The following DNAI1 variants were observed in gnomAD, a reference collection of about 807,000 sequenced individuals.
DNAI1 encodes the protein dynein axonemal intermediate chain 1.
Under a neutral mutation model 92.0 loss-of-function variants are expected in DNAI1, and 67 were observed. That is an observed-to-expected ratio of 0.73 (90% CI 0.60 to 0.89). The LOEUF (loss-of-function observed/expected upper bound fraction) is 0.89. DNAI1 is among the 40% of genes least tolerant of loss of function. The pLI is 0.00. For missense variants in DNAI1, 839 were observed against 866.6 expected (o/e 0.97, Z 0.40); for synonymous variants, 323 against 319.6 (o/e 1.01, Z -0.11).
chr9:34,492,634 C>G (rs1159724822), intron 8 of DNAI1, among the ~76,000 whole-genome samples: 1 of 150,592 alleles, frequency 6.6e-6, no homozygotes, highest in African/African-American at 2.4e-5. Context: ...ATCCTCCCAC[C>G]TCAGCCTGCT....
chr9:34,517,612 C>T lies in DNAI1; in HGVS notation c.2001+145C>T, dbSNP rs1287652488. ...ATGGTGTCATTGCCTGAATGAGGCTCACAGTAGAAGCAGGTTTGTGAGAAA... is the reference window on the plus strand; with the variant it reads ...ATGGTGTCATTGCCTGAATGAGGCTTACAGTAGAAGCAGGTTTGTGAGAAA... On this transcript the variant is annotated intron_variant, in intron 19 of 19. Coordinates refer to ENST00000242317, the MANE Select transcript of DNAI1 (RefSeq NM_012144.4). The T allele has an allele frequency of 1.1e-5, 11 of 993,032 alleles. 1 individual carries two copies. The highest frequency in any genetic ancestry group is 3.2e-5 in the African/African-American group (2 of 62,294). 61.5% of individuals were successfully genotyped at this position (993,032 alleles called of 1,614,324 possible).
Position 34,471,813 on chromosome 9 carries a change from G to GA in DNAI1, c.49-11629dup, listed in dbSNP as rs74333214. Among the ~76,000 whole-genome samples the GA allele has an allele frequency of 2.3e-4, 35 of 151,488 alleles. No individual in the cohort carries two copies. In the East Asian group the frequency reaches 5.4e-3, roughly 24 times the overall value. Reference sequence around the variant, plus strand: ...TTCTTCATATTAACAGGATAAAGAAGAAAAAATCCTATAATGATGACATCT... The same window carrying GA: ...TTCTTCATATTAACAGGATAAAGAAGAAAAAAATCCTATAATGATGACATCT... On this transcript the variant is annotated intron_variant, in intron 1 of 19. Transcript: ENST00000242317.
chr9:34,491,334 C>T, intron 7 of DNAI1, 161 bp from the exon 8 acceptor site: 3 of 727,264 alleles, frequency 4.1e-6, no homozygotes, highest in Non-Finnish European at 7.4e-6. Flanking sequence ...GCTTTGAATG[C>T]ATCATTCAGT....
chr9:34,511,678 C>T (rs1164927292), intron 13 of DNAI1, among the ~76,000 whole-genome samples: 1 of 152,138 alleles, frequency 6.6e-6, no homozygotes, highest in African/African-American at 2.4e-5. Context: ...TCATAACAAA[C>T]CTATGCTATT....
chr9:34,508,777 C>T (rs540945057), intron 13 of DNAI1, among the ~76,000 whole-genome samples: 1 of 152,190 alleles, frequency 6.6e-6, no homozygotes, highest in Admixed American at 6.5e-5. Context: ...TTATTGCTTT[C>T]GCTGAGCAGG....
At chr9:34,459,633 A>G (rs1357180873) in intron 1 of DNAI1, among the ~76,000 whole-genome samples, 2 of 152,066 alleles carry the variant, frequency 1.3e-5, no homozygotes, top group Non-Finnish European at 2.9e-5. Context: ...TTTGGTAGAG[A>G]CGGGGTTTCC....
intron 1 of DNAI1, among the ~76,000 whole-genome samples, chr9:34,483,149 C>G (rs1447518994): frequency 6.6e-6 from 1 of 152,248 alleles, no homozygotes; most frequent in African/African-American, 2.4e-5. Context: ...GCCTCTCCCT[C>G]CACGCCTCTC....
chr9:34,494,285 C>T (rs1471013652), intron 9 of DNAI1, among the ~76,000 whole-genome samples: 5 of 152,150 alleles, frequency 3.3e-5, no homozygotes, highest in Non-Finnish European at 7.3e-5. Context: ...TTATCCTGAT[C>T]ATGTCACATT....
chr9:34,467,739 C>A (rs537629696), intron 1 of DNAI1, among the ~76,000 whole-genome samples: 1 of 152,332 alleles, frequency 6.6e-6, no homozygotes, highest in South Asian at 2.1e-4. Context: ...TGGACTTTCC[C>A]TCACACTGTA....
intron 1 of DNAI1, among the ~76,000 whole-genome samples, chr9:34,481,920 A>G (rs1413076031): frequency 6.6e-6 from 1 of 152,218 alleles, no homozygotes; most frequent in African/African-American, 2.4e-5. Context: ...CAGGTTGCCA[A>G]TGCTGGCTCG....
At chr9:34,480,957 T>C (rs1489244369) in intron 1 of DNAI1, among the ~76,000 whole-genome samples, 1 of 150,934 alleles carries the variant, frequency 6.6e-6, no homozygotes, top group East Asian at 2.0e-4. Context: ...AATAAATAAA[T>C]AGGCTGGGCG....
intron 10 of DNAI1, among the ~76,000 whole-genome samples, chr9:34,498,970 G>A (rs1209119962): frequency 1.3e-5 from 2 of 152,206 alleles, no homozygotes; most frequent in Non-Finnish European, 2.9e-5. Context: ...GCCCACCAAA[G>A]GGCTGCAAAC....
chr9:34,520,281 C>T (rs79386710), intron 19 of DNAI1, among the ~76,000 whole-genome samples: 19 of 152,286 alleles, frequency 1.2e-4, no homozygotes, highest in African/African-American at 4.3e-4. Context: ...GGCCAGGGAC[C>T]TTCCCATGGT....
intron 12 of DNAI1, among the ~76,000 whole-genome samples, chr9:34,504,127 G>C (rs1297882756): frequency 1.3e-5 from 2 of 152,140 alleles, no homozygotes; most frequent in Admixed American, 1.3e-4. Flanking sequence ...TATTGGAAGA[G>C]CAGGGGAGCC....
At chr9:34,470,347 T>C (rs1416012866) in intron 1 of DNAI1, among the ~76,000 whole-genome samples, 1 of 152,182 alleles carries the variant, frequency 6.6e-6, no homozygotes, top group Non-Finnish European at 1.5e-5. Context: ...AAAACAACTA[T>C]ATGTTGCCTG....
chr9:34,512,009 T>C, intron 13 of DNAI1, 100 bp from the exon 14 acceptor site: 1 of 1,118,474 alleles, frequency 8.9e-7, no homozygotes, highest in Non-Finnish European at 1.4e-6. Context: ...AGAAGTTGCT[T>C]CTGAGCCTCA....
intron 9 of DNAI1, among the ~76,000 whole-genome samples, chr9:34,495,061 G>A (rs1824692271): frequency 6.6e-6 from 1 of 152,200 alleles, no homozygotes; most frequent in African/African-American, 2.4e-5. Context: ...TATCCTATAG[G>A]AAGGGCCTCC....
intron 13 of DNAI1, among the ~76,000 whole-genome samples, chr9:34,511,847 A>G (rs1043445031): frequency 6.6e-6 from 1 of 152,134 alleles, no homozygotes; most frequent in Non-Finnish European, 1.5e-5. Context: ...CTCCACTGCC[A>G]AGCCAGTAAA....
At chr9:34,478,215 A>G (rs537192119) in intron 1 of DNAI1, among the ~76,000 whole-genome samples, 1 of 152,240 alleles carries the variant, frequency 6.6e-6, no homozygotes, top group South Asian at 2.1e-4. Context: ...GAAAACAAAT[A>G]ATAAAAGTAG....
Sources: gnomAD v4.1 joint callset for allele counts (sites outside exome capture counted in the v4.1 genomes callset) on GRCh38, gnomAD v4.1.1 for gene constraint, MANE v1.5 for transcripts, NCBI Gene and HGNC (gene_info 2026-07-23, HGNC 2026-07-21) for gene names.